MYO1D: variants seen among roughly 807,000 people sequenced by gnomAD.
MYO1D encodes unconventional myosin-Id.
A neutral mutation model predicts 122.0 loss-of-function variants in MYO1D; 83 were observed. That is an observed-to-expected ratio of 0.68 (90% CI 0.57 to 0.82). MYO1D has a LOEUF of 0.82. Among genes scored for constraint, MYO1D ranks in the 40% least tolerant of loss-of-function variants. MYO1D has a pLI of 0.00. For synonymous variants in MYO1D, 464 were observed against 446.9 expected (o/e 1.04, Z -0.48); for missense variants, 1,157 against 1,269.5 (o/e 0.91, Z 1.35).
At chr17:32,580,289 A>ATTTTTTTT (rs71144843) in intron 21 of MYO1D, among the ~76,000 whole-genome samples, 1 of 39,142 alleles carries the variant, frequency 2.6e-5, no homozygotes, top group Non-Finnish European at 4.3e-5. Flanking sequence ...TGCTAAGAGG[A>ATTTTTTTT]TTTTTTTTTT....
intron 20 of MYO1D, among the ~76,000 whole-genome samples, chr17:32,633,795 T>C (rs1286143309): frequency 3.3e-5 from 5 of 152,196 alleles, no homozygotes; most frequent in African/African-American, 1.2e-4. Context: ...GTTCATTCCT[T>C]AACTCCTTCA....
At chr17:32,605,269 A>C (rs1460054525) in intron 20 of MYO1D, 28 bp from the exon 21 acceptor site, 21 of 1,536,306 alleles carry the variant, frequency 1.4e-5, no homozygotes, top group Non-Finnish European at 1.8e-5. Context: ...ATGGAAAACT[A>C]TTTGGATCAT....
At chr17:32,849,217 G>A (rs570995103) in intron 1 of MYO1D, among the ~76,000 whole-genome samples, 126 of 150,610 alleles carry the variant, frequency 8.4e-4, no homozygotes, top group Non-Finnish European at 1.5e-3. Flanking sequence ...ACTGTTGGTG[G>A]GACTATAAAC....
At chr17:32,812,031 C>G (rs1198763480) in intron 1 of MYO1D, among the ~76,000 whole-genome samples, 1 of 152,144 alleles carries the variant, frequency 6.6e-6, no homozygotes, top group Non-Finnish European at 1.5e-5. Context: ...AAATAACTTT[C>G]CTTGTAGTTT....
chr17:32,503,669 T>A (rs1410962274), intron 21 of MYO1D, among the ~76,000 whole-genome samples: 1 of 152,260 alleles, frequency 6.6e-6, no homozygotes, highest in African/African-American at 2.4e-5. Context: ...TGATAGTAAA[T>A]GCATTAAGTG....
chr17:32,562,826 AATGTT>A (rs2087138154), intron 21 of MYO1D, among the ~76,000 whole-genome samples: 1 of 152,208 alleles, frequency 6.6e-6, no homozygotes, highest in African/African-American at 2.4e-5. Flanking sequence ...AAATATTAGT[AATGTT>A]ATTTTTTCCC....
At chr17:32,508,128 C>T (rs1254750475) in intron 21 of MYO1D, among the ~76,000 whole-genome samples, 2 of 151,974 alleles carry the variant, frequency 1.3e-5, no homozygotes, top group Non-Finnish European at 2.9e-5. Context: ...AACTCCTGAC[C>T]TCATAATCTG....
intron 7 of MYO1D, among the ~76,000 whole-genome samples, chr17:32,767,428 T>C (rs942843986): frequency 1.3e-5 from 2 of 152,200 alleles, no homozygotes; most frequent in Admixed American, 6.5e-5. Flanking sequence ...TCAACTGAAG[T>C]AGTAGTCTCC....
intron 14 of MYO1D, among the ~76,000 whole-genome samples, chr17:32,726,166 C>T (rs1256168175): frequency 2.0e-5 from 3 of 152,100 alleles, no homozygotes; most frequent in Non-Finnish European, 4.4e-5. Context: ...CGCCTGTAAT[C>T]CCAGCACTTT....
intron 11 of MYO1D, among the ~76,000 whole-genome samples, chr17:32,750,579 C>T (rs1047620277): frequency 1.3e-5 from 2 of 152,132 alleles, no homozygotes; most frequent in African/African-American, 2.4e-5. Context: ...CATGCCACTG[C>T]ACTCCAGCCT....
At chr17:32,824,158 T>C (rs2090701319) in intron 1 of MYO1D, among the ~76,000 whole-genome samples, 1 of 150,650 alleles carries the variant, frequency 6.6e-6, no homozygotes, top group Admixed American at 6.6e-5. Flanking sequence ...TGTCAATAAA[T>C]TGTCATATAA....
At chr17:32,580,704 C>T (rs555625976) in intron 21 of MYO1D, among the ~76,000 whole-genome samples, 14 of 152,150 alleles carry the variant, frequency 9.2e-5, no homozygotes, top group South Asian at 6.2e-4. Context: ...CCACTGCTCC[C>T]GGACTATCTG....
intron 21 of MYO1D, among the ~76,000 whole-genome samples, chr17:32,589,082 A>G (rs765828670): frequency 5.9e-5 from 9 of 152,250 alleles, no homozygotes; most frequent in Non-Finnish European, 1.2e-4. Context: ...CAACAGTGTC[A>G]TATTTGTGAA....
chr17:32,874,665 A>G (rs2091213798), intron 1 of MYO1D, among the ~76,000 whole-genome samples: 1 of 152,264 alleles, frequency 6.6e-6, no homozygotes, highest in South Asian at 2.1e-4. Flanking sequence ...GCTCACACCT[A>G]TAATCCTAGT....
At chr17:32,519,452 AC>A (rs1910027171) in intron 21 of MYO1D, 1 of 151,902 alleles carries the variant, frequency 6.6e-6, no homozygotes, top group Non-Finnish European at 1.5e-5. Context: ...GGGAATCTGC[AC>A]CCGCCGGGTG....
intron 4 of MYO1D, among the ~76,000 whole-genome samples, chr17:32,773,597 T>C (rs2090144487): frequency 7.0e-6 from 1 of 142,422 alleles, no homozygotes; most frequent in Non-Finnish European, 1.5e-5. Context: ...TCCTCCACTA[T>C]GGTCAACCTT....
intron 1 of MYO1D, among the ~76,000 whole-genome samples, chr17:32,861,906 T>C (rs900247544): frequency 6.6e-6 from 1 of 152,118 alleles, no homozygotes; most frequent in Admixed American, 6.5e-5. Flanking sequence ...TAGTCCCCGC[T>C]ACTCGGGAGG....
chr17:32,732,374 C>T (rs140690193), intron 14 of MYO1D, among the ~76,000 whole-genome samples: 16 of 152,316 alleles, frequency 1.1e-4, no homozygotes, highest in Middle Eastern at 6.8e-3. Context: ...GCACACTTCC[C>T]CTCCTCTGAA....
chr17:32,709,968 T>C (rs1598029058), intron 16 of MYO1D, among the ~76,000 whole-genome samples: 1 of 152,248 alleles, frequency 6.6e-6, no homozygotes, highest in Non-Finnish European at 1.5e-5. Context: ...AGTAAACCTA[T>C]ATTACACTCT....
Sources: allele counts gnomAD v4.1 joint callset (sites outside exome capture counted in the v4.1 genomes callset), GRCh38; gene constraint gnomAD v4.1.1; transcripts MANE v1.5; gene names NCBI Gene and HGNC (gene_info 2026-07-23, HGNC 2026-07-21).